DPYSL3: variants seen among roughly 807,000 people sequenced by gnomAD.
The protein encoded by DPYSL3 is dihydropyrimidinase-related protein 3.
Under a neutral mutation model 66.1 loss-of-function variants are expected in DPYSL3, and 16 were observed. The observed-to-expected ratio is 0.24, with a 90% CI of 0.16 to 0.37. The LOEUF is 0.37. Among genes scored for constraint, DPYSL3 ranks in the 10% least tolerant of loss-of-function variants. DPYSL3 has a pLI of 1.00. For synonymous variants in DPYSL3, 338 were observed against 345.1 expected, an observed-to-expected ratio of 0.98 and a Z score of 0.23; for missense variants, 738 against 916.2, an observed-to-expected ratio of 0.81 and a Z score of 2.51.
chr5:147,457,726 C>T (rs1227846551), intron 1 of DPYSL3, among the ~76,000 whole-genome samples: 3 of 152,176 alleles, frequency 2.0e-5, no homozygotes, highest in Non-Finnish European at 4.4e-5. Context: ...GGAGAGGAAA[C>T]TTTATGAGGC....
At chr5:147,452,354 G>T (rs566559821) in intron 1 of DPYSL3, among the ~76,000 whole-genome samples, 9 of 151,916 alleles carry the variant, frequency 5.9e-5, no homozygotes, top group Non-Finnish European at 1.2e-4. Flanking sequence ...CTCTGCCCTA[G>T]GGCGGCTGCA....
chr5:147,453,615 C>T, intron 1 of DPYSL3: 2 of 1,526,106 alleles, frequency 1.3e-6, no homozygotes, highest in East Asian at 2.6e-5. Flanking sequence ...CAGCGGCTGG[C>T]TCCCTCCCTC....
chr5:147,416,915 C>T (rs148756767), intron 3 of DPYSL3, among the ~76,000 whole-genome samples: 79 of 152,118 alleles, frequency 5.2e-4, no homozygotes, highest in African/African-American at 1.8e-3. Context: ...AAAATGAATG[C>T]AAAGATACCC....
chr5:147,457,896 G>C (rs190582442), intron 1 of DPYSL3, among the ~76,000 whole-genome samples: 120 of 152,312 alleles, frequency 7.9e-4, no homozygotes, highest in South Asian at 1.9e-3. Context: ...CAGTAGCTGG[G>C]TATATTTCCG....
intron 1 of DPYSL3, among the ~76,000 whole-genome samples, chr5:147,476,788 G>T (rs1375199147): frequency 6.6e-6 from 1 of 152,052 alleles, no homozygotes; most frequent in East Asian, 1.9e-4. Flanking sequence ...TTTATTTTAG[G>T]CATTTATTTT....
intron 13 of DPYSL3, 90 bp downstream of exon 13, chr5:147,395,469 G>A (rs1757939874): frequency 2.7e-6 from 4 of 1,489,722 alleles, no homozygotes; most frequent in Middle Eastern, 3.9e-4. Flanking sequence ...AACTCCTTCA[G>A]GTTGAGTTCT....
chr5:147,485,415 C>T (rs1581214698), intron 1 of DPYSL3, among the ~76,000 whole-genome samples: 1 of 152,164 alleles, frequency 6.6e-6, no homozygotes, highest in Non-Finnish European at 1.5e-5. Context: ...TTCCTCACAG[C>T]AATACTCTCC....
At chr5:147,435,478 A>C (rs111580174) in intron 1 of DPYSL3, among the ~76,000 whole-genome samples, 4 of 152,288 alleles carry the variant, frequency 2.6e-5, no homozygotes, top group African/African-American at 9.6e-5. Context: ...GTATCGATGC[A>C]AGAAATGCAT....
intron 6 of DPYSL3, among the ~76,000 whole-genome samples, chr5:147,409,204 G>C (rs920859858): frequency 1.3e-5 from 2 of 152,134 alleles, no homozygotes; most frequent in African/African-American, 4.8e-5. Flanking sequence ...CTAGGCTCTG[G>C]GTAAGTACCT....
intron 1 of DPYSL3, chr5:147,453,498 A>T: frequency 6.6e-7 from 1 of 1,507,508 alleles, no homozygotes; most frequent in South Asian, 1.3e-5. Flanking sequence ...CCCGCAGCGC[A>T]GCGGACAGGG....
chr5:147,454,795 A>G (rs963031786), intron 1 of DPYSL3, among the ~76,000 whole-genome samples: 4 of 152,158 alleles, frequency 2.6e-5, no homozygotes, highest in African/African-American at 9.7e-5. Context: ...GATGGAATAC[A>G]TTGTCCTTTA....
chr5:147,445,771 T>C (rs1752619828), intron 1 of DPYSL3, among the ~76,000 whole-genome samples: 1 of 152,196 alleles, frequency 6.6e-6, no homozygotes, highest in Admixed American at 6.5e-5. Flanking sequence ...TTTGGGCAAT[T>C]ATCGCCTTCA....
rs77876004 is a variant in DPYSL3, at chr5:147,450,529, T to G, written c.382-25566A>C. On this transcript the variant is annotated intron_variant, in intron 1 of 13. Transcript: ENST00000343218. ...ACATAGCTGCCCTGAGAGGGGACAA[T>G]GAAGATCTGAAGTCTTGGGAGCTAC... 2.5e-3 allele frequency among the ~76,000 whole-genome samples: 383 copies of G among 152,120 alleles called. 2 individuals carry two copies. The highest frequency in any genetic ancestry group is 8.9e-3 in the African/African-American group (370 of 41,500).
chr5:147,509,940 A>G lies in DPYSL3; in HGVS notation c.-82T>C, dbSNP rs1280798163. On this transcript the variant is annotated 5_prime_UTR_variant, in exon 1 of 14. Transcript: ENST00000343218. This position sits in a 1 kb window ranked among gnomAD's most constrained non-coding sequence, Gnocchi z 5.3. The stretch of plus-strand genomic sequence containing the variant: ...CCGCCGGCAGCGTGCGCCGAGCCAC[A>G]GTGACTGTGGCGGGAGGAGGCGCCT... 1 of 1,442,986 alleles carries G rather than the reference A, an allele frequency of 6.9e-7. No homozygotes were observed. Among genetic ancestry groups the G allele is most frequent in the Non-Finnish European group, 9.1e-7 (1 of 1,101,536 alleles). 89.4% of individuals were successfully genotyped at this position (1,442,986 alleles called of 1,614,324 possible).
chr5:147,454,639 G>A lies in DPYSL3; in HGVS notation c.382-29676C>T, dbSNP rs577687289. On this transcript the variant is annotated intron_variant, in intron 1 of 13. Coordinates refer to ENST00000343218, the MANE Select transcript of DPYSL3 (RefSeq NM_001197294.2). The stretch of plus-strand genomic sequence containing the variant: ...GCAGTAGCCCAGACACGTTCCTGGT[G>A]CGCAGCCATGGATTTGGAGTAGAAC... Among the ~76,000 whole-genome samples the A allele has an allele frequency of 2.9e-3, 438 of 152,318 alleles. 2 individuals are homozygous for A. Among genetic ancestry groups the A allele is most frequent in the Middle Eastern group, 0.01 (3 of 294 alleles).
rs1757864037 is a variant in DPYSL3, at chr5:147,393,151, G to A, written c.*884C>T. ...GACCTCGCCGTGTTTAGAAGGAAGC[G>A]TCTTTAAGCTGTGGGTGCCCTCACC... is the stretch of plus-strand genomic sequence containing the variant. On this transcript the variant is annotated 3_prime_UTR_variant, in exon 14 of 14. Transcript: ENST00000343218. 2 of 152,138 alleles carry A rather than the reference G, an allele frequency of 1.3e-5. No homozygotes were observed. The highest frequency in any genetic ancestry group is 2.4e-5 in the African/African-American group (1 of 41,442). 9.4% of individuals were successfully genotyped at this position (152,138 alleles called of 1,614,324 possible). A position where few individuals can be genotyped will look rare whatever the true frequency, so the allele number is the denominator to read the frequency against.
chr5:147,480,271 C>T (rs1435003381), intron 1 of DPYSL3, among the ~76,000 whole-genome samples: 2 of 152,216 alleles, frequency 1.3e-5, no homozygotes, highest in African/African-American at 2.4e-5. Flanking sequence ...GCCACACCCT[C>T]TTAGGAGCAG....
intron 1 of DPYSL3, among the ~76,000 whole-genome samples, chr5:147,430,783 G>C (rs1009859129): frequency 6.6e-6 from 1 of 152,154 alleles, no homozygotes; most frequent in African/African-American, 2.4e-5. Context: ...TCTATCTGAG[G>C]TAATGAGAAC....
chr5:147,436,357 ATAAG>A (rs1476572270), intron 1 of DPYSL3, among the ~76,000 whole-genome samples: 2 of 152,362 alleles, frequency 1.3e-5, no homozygotes, highest in Non-Finnish European at 2.9e-5. Context: ...AATATCTAAA[ATAAG>A]TAAGTTCTGG....
Sources: gnomAD v4.1 joint callset for allele counts (sites outside exome capture counted in the v4.1 genomes callset) on GRCh38, gnomAD v4.1.1 for gene constraint, Gnocchi (gnomAD v3.1) non-coding constraint, MANE v1.5 for transcripts, NCBI Gene and HGNC (gene_info 2026-07-23, HGNC 2026-07-21) for gene names.